ZNF17: variants seen among roughly 807,000 people sequenced by gnomAD.
The protein encoded by ZNF17 is zinc finger protein 17 (HPF3, KOX 10).
A neutral mutation model predicts 7.7 loss-of-function variants in ZNF17; 4 were observed. The observed-to-expected ratio is 0.52, with a 90% CI of 0.26 to 1.20. The LOEUF (loss-of-function observed/expected upper bound fraction) is 1.20. Ranked by LOEUF, ZNF17 falls within the 50% of genes most tolerant of loss-of-function variation. The pLI, the probability that ZNF17 is intolerant of heterozygous loss-of-function variation, is 0.14. For synonymous variants in ZNF17, 249 were observed against 258.8 expected, an observed-to-expected ratio of 0.96 and a Z score of 0.36; for missense variants, 738 against 799.5, an observed-to-expected ratio of 0.92 and a Z score of 0.93.
At position 57,421,391 on chromosome 19, in the gene ZNF17, T is replaced by G. The variant is rs761573860; in HGVS notation, c.1905T>G (p.Thr635=). Residue 635 remains threonine, a synonymous_variant, in exon 4 of 4, where the codon ACT becomes ACG. Coordinates refer to ENST00000307658, the MANE Select transcript of ZNF17 (RefSeq NM_001330617.2). ...SSLIKHRRIH[T]GERPYQCSEC... Reference sequence around the variant, plus strand: ...TCATTAAACATCGGAGAATTCACACTGGAGAGAGACCTTATCAGTGCAGTG... The same window carrying G: ...TCATTAAACATCGGAGAATTCACACGGGAGAGAGACCTTATCAGTGCAGTG... 7 of 1,614,180 alleles carry G rather than the reference T, an allele frequency of 4.3e-6. No individual in the cohort carries two copies. The Admixed American group carries it at 1.0e-4, about 23-fold the overall frequency.
rs186247999 is a variant in ZNF17, at chr19:57,421,395, G to T, written c.1909G>T (p.Glu637Ter). 215 of 1,614,112 alleles carry T rather than the reference G, an allele frequency of 1.3e-4. 1 individual carries two copies. Among genetic ancestry groups the T allele is most frequent in the Admixed American group, 1.1e-3 (69 of 60,012 alleles). Residue 637 changes from glutamate (E) to a stop codon, truncating the protein, a stop_gained, in exon 4 of 4, where the codon GAG (glutamate) becomes TAG (stop). Coordinates refer to ENST00000307658, the MANE Select transcript of ZNF17 (RefSeq NM_001330617.2). LOFTEE classifies it low-confidence loss of function (END_TRUNC). ...TAAACATCGGAGAATTCACACTGGA[G>T]AGAGACCTTATCAGTGCAGTGAATG... ...LIKHRRIHTG[E>*]RPYQCSECGR...
chr19:57,420,914 ATGTGGCAAATTCTT>A lies in ZNF17; in HGVS notation c.1434_1447del (p.Lys479GlnfsTer18). 6.2e-7 allele frequency: 1 copy of A among 1,614,146 alleles called. No homozygotes were observed. The highest frequency in any genetic ancestry group is 8.5e-7 in the Non-Finnish European group (1 of 1,180,000). On this transcript the variant is annotated frameshift_variant, in exon 4 of 4. Transcript: ENST00000307658. LOFTEE classifies it low-confidence loss of function (END_TRUNC). ...GAGAGAGGCCTTATGAATGCAGTGA[ATGTGGCAAATTCTT>A]TGTGGACAGCTGTACACTGAAGAGT...
Position 57,411,265 on chromosome 19 carries a change from C to T in ZNF17, c.-162C>T. 1 of 1,335,048 alleles carries T rather than the reference C, an allele frequency of 7.5e-7. No individual in the cohort carries two copies. The allele number at this position is 1,335,048 out of a possible 1,614,324, so 82.7% of individuals were successfully genotyped here. Reference sequence around the variant, plus strand: ...GCGGAAAAACGCGAGAAAAGGTTTCCCCGTTGTACAGAGGCTAGAGTGAGG... The same window carrying T: ...GCGGAAAAACGCGAGAAAAGGTTTCTCCGTTGTACAGAGGCTAGAGTGAGG... On this transcript the variant is annotated 5_prime_UTR_variant, in exon 1 of 4. Coordinates refer to ENST00000307658, the MANE Select transcript of ZNF17 (RefSeq NM_001330617.2).
rs763218049 is a variant in ZNF17 at position 57,420,593 on chromosome 19, T to C, written c.1107T>C (p.Phe369=). The change falls in exon 4 of 4, where the codon TTT becomes TTC. Residue 369 remains phenylalanine, a synonymous_variant. Coordinates refer to ENST00000307658, the MANE Select transcript of ZNF17 (RefSeq NM_001330617.2). ...ATTGCTGTGAATGTGGGAAATTCTT[T>C]ATGGACAGCTGCACACTCATTATTC... ...PFYCCECGKF[F]MDSCTLIIHQ... The C allele has an allele frequency of 2.5e-6, 4 of 1,614,080 alleles. No individual in the cohort carries two copies. In the Admixed American group the frequency reaches 5.0e-5, roughly 20 times the overall value.
At chr19:57,414,403 C>T (rs902034537) in intron 2 of ZNF17, among the ~76,000 whole-genome samples, 3 of 150,986 alleles carry the variant, frequency 2.0e-5, no homozygotes, top group South Asian at 2.1e-4. Flanking sequence ...GATGTGATCT[C>T]GGATCATTGC....
intron 2 of ZNF17, among the ~76,000 whole-genome samples, chr19:57,414,625 G>A (rs1297600430): frequency 6.6e-6 from 1 of 151,820 alleles, no homozygotes; most frequent in Admixed American, 6.6e-5. Context: ...ATGAGCCACC[G>A]TGCCCAGTGG....
chr19:57,413,650 G>A lies in ZNF17; in HGVS notation c.21+14G>A. 6.5e-7 allele frequency: 1 copy of A among 1,536,112 alleles called. No homozygotes were observed. Among genetic ancestry groups the A allele is most frequent in the Non-Finnish European group, 8.7e-7 (1 of 1,146,894 alleles). On this transcript the variant is annotated intron_variant, in intron 2 of 3. Transcript: ENST00000307658. ...GATGCTGGACAGGTGAGTGGAGAGT[G>A]TTTCCAGCTTTCACCCATCCCAGAT...
chr19:57,420,429 A>G lies in ZNF17; in HGVS notation c.943A>G (p.Thr315Ala), dbSNP rs1407840814. The G allele has an allele frequency of 6.2e-7, 1 of 1,613,872 alleles. No individual in the cohort carries two copies. The highest frequency in any genetic ancestry group is 1.7e-4 in the Middle Eastern group (1 of 6,058). ...VCSECGKAFLTQAHLVGHQKI... is the reference protein window; with the variant it reads ...VCSECGKAFLAQAHLVGHQKI... ...TAGTGAATGTGGGAAGGCCTTCCTTACACAGGCTCACCTTGTTGGTCACCA... is the reference window on the plus strand; with the variant it reads ...TAGTGAATGTGGGAAGGCCTTCCTTGCACAGGCTCACCTTGTTGGTCACCA... Residue 315 changes from threonine (T) to alanine (A), a missense_variant, in exon 4 of 4, where the codon ACA (threonine) becomes GCA (alanine). By Grantham distance (58) the Thr-to-Ala change is moderately conservative. Coordinates refer to ENST00000307658, the MANE Select transcript of ZNF17 (RefSeq NM_001330617.2).
rs1260658944 is a variant in ZNF17 at position 57,421,795 on chromosome 19, T to G, written c.*314T>G. On this transcript the variant is annotated 3_prime_UTR_variant, in exon 4 of 4. Coordinates refer to ENST00000307658, the MANE Select transcript of ZNF17 (RefSeq NM_001330617.2). ...GTCCGGGTACCTCATATAAGAAAAC[T>G]TAAGTTTTGGTCTTCTTGTGGTTTA... The G allele has an allele frequency of 4.3e-6, 1 of 230,340 alleles. No homozygotes were observed. The highest frequency in any genetic ancestry group is 8.3e-6 in the Non-Finnish European group (1 of 120,004). 14.3% of individuals were successfully genotyped at this position (230,340 alleles called of 1,614,324 possible).
intron 1 of ZNF17, among the ~76,000 whole-genome samples, chr19:57,412,244 T>C (rs912298044): frequency 1.3e-5 from 2 of 152,136 alleles, no homozygotes; most frequent in African/African-American, 4.8e-5. Flanking sequence ...AGGCCCACTC[T>C]GTGGAACAAT....
rs1317326630 is a variant in ZNF17, at chr19:57,421,691, C to CT, written c.*211dup. The stretch of plus-strand genomic sequence containing the variant: ...CTAGAAGTCTTTTCAACTTATGAAA[C>CT]TAAGTCTATACCTTTTAAAACCTTA... On this transcript the variant is annotated 3_prime_UTR_variant, in exon 4 of 4. Transcript: ENST00000307658. The CT allele has an allele frequency of 1.7e-5, 9 of 544,444 alleles. No individual in the cohort carries two copies. The highest frequency in any genetic ancestry group is 2.4e-5 in the Non-Finnish European group (8 of 328,024). The allele number at this position is 544,444 out of a possible 1,614,324, so 33.7% of individuals were successfully genotyped here.
chr19:57,411,481 G>A (rs2088776068), intron 1 of ZNF17, 75 bp downstream of exon 1: 1 of 1,574,534 alleles, frequency 6.4e-7, no homozygotes, highest in Non-Finnish European at 8.6e-7. Context: ...GGCCCTGCAG[G>A]TCAGGCCCCT....
At chr19:57,413,758 C>A in intron 2 of ZNF17, 122 bp downstream of exon 2, 1 of 1,215,708 alleles carries the variant, frequency 8.2e-7, no homozygotes, top group Non-Finnish European at 1.2e-6. Flanking sequence ...CCAAGGAGAG[C>A]CTGTAGTTCC....
chr19:57,411,994 G>C (rs529308325), intron 1 of ZNF17, among the ~76,000 whole-genome samples: 1 of 152,192 alleles, frequency 6.6e-6, no homozygotes, highest in Non-Finnish European at 1.5e-5. Flanking sequence ...AGTCAGCTTA[G>C]GGAGCAGGTT....
chr19:57,419,561 C>T, intron 3 of ZNF17, 74 bp from the exon 4 acceptor site: 1 of 1,486,978 alleles, frequency 6.7e-7, no homozygotes, highest in Non-Finnish European at 9.1e-7. Context: ...GTGAGTTGGT[C>T]TGACAGACAT....
chr19:57,419,616 A>G lies in ZNF17; in HGVS notation c.149-19A>G, dbSNP rs180957530. 2 of 1,596,836 alleles carry G rather than the reference A, an allele frequency of 1.3e-6. No individual in the cohort carries two copies. Among genetic ancestry groups the G allele is most frequent in the African/African-American group, 1.3e-5 (1 of 74,606 alleles). ...TCCCTCCAAAGTCATCATGCACTTC[A>G]TGAGCATTTCTGTTTTAGGTTGTTG... On this transcript the variant is annotated intron_variant, in intron 3 of 3. Transcript: ENST00000307658.
rs568170445 is a variant in ZNF17 at position 57,421,717 on chromosome 19, T to C, written c.*236T>C. ...TAAGTCTATACCTTTTAAAACCTTA[T>C]TCCTCACTCCATCCAGCCTCTTGAC... On this transcript the variant is annotated 3_prime_UTR_variant, in exon 4 of 4. Coordinates refer to ENST00000307658, the MANE Select transcript of ZNF17 (RefSeq NM_001330617.2). 7 of 411,428 alleles carry C rather than the reference T, an allele frequency of 1.7e-5. No individual in the cohort carries two copies. In the East Asian group the frequency reaches 2.7e-4, roughly 16 times the overall value. 25.5% of individuals were successfully genotyped at this position (411,428 alleles called of 1,614,324 possible). A position where few individuals can be genotyped will look rare whatever the true frequency, so the allele number is the denominator to read the frequency against.
chr19:57,416,803 C>T (rs981315113), intron 2 of ZNF17, among the ~76,000 whole-genome samples: 2 of 152,246 alleles, frequency 1.3e-5, no homozygotes, highest in South Asian at 2.1e-4. Flanking sequence ...CCACCATGCC[C>T]GGCCATGTGC....
Position 57,411,278 on chromosome 19 carries a change from G to A in ZNF17, c.-149G>A. On this transcript the variant is annotated 5_prime_UTR_variant, in exon 1 of 4. Transcript: ENST00000307658. ...AGAAAAGGTTTCCCCGTTGTACAGA[G>A]GCTAGAGTGAGGCTCGGTTGAATCG... The A allele has an allele frequency of 2.7e-6, 4 of 1,460,028 alleles. No homozygotes were observed. Among genetic ancestry groups the A allele is most frequent in the Non-Finnish European group, 3.7e-6 (4 of 1,073,384 alleles). 90.4% of individuals were successfully genotyped at this position (1,460,028 alleles called of 1,614,324 possible).
Sources: gnomAD v4.1 joint callset for allele counts (sites outside exome capture counted in the v4.1 genomes callset) on GRCh38, gnomAD v4.1.1 for gene constraint, MANE v1.5 for transcripts, NCBI Gene and HGNC (gene_info 2026-07-23, HGNC 2026-07-21) for gene names.